The following ANXA8 variants were observed in gnomAD, a reference collection of about 807,000 sequenced individuals.
ANXA8 encodes the protein annexin A8, also known as VAC-beta.
Under a neutral mutation model 26.8 loss-of-function variants are expected in ANXA8, and 9 were observed. The observed-to-expected ratio is 0.34, with a 90% CI of 0.20 to 0.59. The LOEUF is 0.59. Among genes scored for constraint, ANXA8 ranks in the 20% least tolerant of loss-of-function variants. ANXA8 has a pLI of 0.84. For missense variants in ANXA8, 83 were observed against 238.5 expected, an observed-to-expected ratio of 0.35 and a Z score of 4.29; for synonymous variants, 39 against 94.8, an observed-to-expected ratio of 0.41 and a Z score of 3.42.
At chr10:47,958,001 G>A in the ANXA8 span, among the ~76,000 whole-genome samples, 7 of 150,564 alleles carry the variant, frequency 4.6e-5, no homozygotes, top group South Asian at 2.1e-4. Flanking sequence ...CTACAAAGCC[G>A]TTTTATCCAA....
At chr10:47,647,923 G>A in the ANXA8 span, among the ~76,000 whole-genome samples, 5 of 151,876 alleles carry the variant, frequency 3.3e-5, no homozygotes, top group Admixed American at 1.3e-4. Context: ...CCACCATCTC[G>A]TGGCCACATA....
chr10:47,982,937 A>G, the ANXA8 span, among the ~76,000 whole-genome samples: 2 of 114,598 alleles, frequency 1.7e-5, no homozygotes, highest in Non-Finnish European at 3.7e-5. Flanking sequence ...ATTTGAATAA[A>G]TATTTGTCCA....
chr10:47,502,684 C>T, the ANXA8 span: 10 of 1,608,386 alleles, frequency 6.2e-6, no homozygotes, highest in African/African-American at 8.1e-5. Flanking sequence ...CTGGGTCTCA[C>T]AGTCCACACA....
At chr10:47,707,179 A>C in the ANXA8 span, among the ~76,000 whole-genome samples, 2 of 141,232 alleles carry the variant, frequency 1.4e-5, no homozygotes, top group African/African-American at 5.1e-5. Flanking sequence ...AAAAAACAAA[A>C]AAAAACAAAA....
the ANXA8 span, among the ~76,000 whole-genome samples, chr10:47,698,247 C>CTGTCAAG: frequency 1.4e-5 from 2 of 141,772 alleles, no homozygotes; most frequent in Admixed American, 1.4e-4. Context: ...CATATAAGAA[C>CTGTCAAG]TGGAAACAAA....
the ANXA8 span, among the ~76,000 whole-genome samples, chr10:47,918,356 GGAGAGAGAGAGAGAGA>G: frequency 5.6e-5 from 1 of 17,754 alleles, no homozygotes; most frequent in Non-Finnish European, 1.0e-4. Context: ...GGGGAGGGAG[GGAGAGAGAGAGAGAGA>G]GAGAGAGAGA....
chr10:47,663,545 C>T, the ANXA8 span, among the ~76,000 whole-genome samples: 1 of 130,078 alleles, frequency 7.7e-6, no homozygotes, highest in African/African-American at 3.4e-5. Context: ...GCCACCATGC[C>T]CAGCTTGTTT....
At chr10:47,949,642 A>G in the ANXA8 span, among the ~76,000 whole-genome samples, 1 of 150,746 alleles carries the variant, frequency 6.6e-6, no homozygotes, top group Non-Finnish European at 1.5e-5. Flanking sequence ...AGGAAACAGA[A>G]GTATATGGTT....
chr10:47,703,155 T>C, the ANXA8 span, among the ~76,000 whole-genome samples: 1 of 151,712 alleles, frequency 6.6e-6, no homozygotes, highest in African/African-American at 2.4e-5. Context: ...GATTAAAATC[T>C]TTACAAATCC....
At chr10:47,979,308 AC>A in the ANXA8 span, among the ~76,000 whole-genome samples, 156 of 151,796 alleles carry the variant, frequency 1.0e-3, 4 homozygotes, top group African/African-American at 3.6e-3. Context: ...AAAACAGTAA[AC>A]CCACTAGAGC....
At chr10:47,727,085 C>G in the ANXA8 span, 1 of 758,654 alleles carries the variant, frequency 1.3e-6, no homozygotes, top group East Asian at 2.7e-5. Context: ...GATAATTTAG[C>G]TTAAGTGAAA....
the ANXA8 span, chr10:47,523,236 A>C: frequency 6.4e-7 from 1 of 1,574,478 alleles, no homozygotes; most frequent in Non-Finnish European, 8.5e-7. Context: ...GGATGCCTCA[A>C]AGGGAACCTT....
At chr10:47,565,860 G>A in the ANXA8 span, 6 of 1,305,772 alleles carry the variant, frequency 4.6e-6, no homozygotes, top group African/African-American at 3.1e-5. Context: ...CGGACCAGCT[G>A]GTCAGACGAG....
the ANXA8 span, among the ~76,000 whole-genome samples, chr10:47,680,430 T>G: frequency 6.6e-6 from 1 of 151,040 alleles, no homozygotes; most frequent in Non-Finnish European, 1.5e-5. Flanking sequence ...AGGTCAGGAG[T>G]TCAAGACTAG....
At chr10:47,477,252 G>A in intron 3 of ANXA8, 58 bp from the exon 4 acceptor site, 1 of 1,586,548 alleles carries the variant, frequency 6.3e-7, no homozygotes, top group Non-Finnish European at 8.6e-7. Context: ...CCTGAGTGCA[G>A]GCAGCGGAGT....
At chr10:47,740,878 A>T in the ANXA8 span, among the ~76,000 whole-genome samples, 1 of 149,222 alleles carries the variant, frequency 6.7e-6, no homozygotes, top group African/African-American at 2.5e-5. Flanking sequence ...TAGGACTGAG[A>T]TTGTCAGTTT....
chr10:47,599,409 G>A, the ANXA8 span, among the ~76,000 whole-genome samples: 3 of 147,646 alleles, frequency 2.0e-5, no homozygotes, highest in African/African-American at 7.9e-5. Flanking sequence ...CTGGGCCTTA[G>A]AAACAGACTA....
the ANXA8 span, among the ~76,000 whole-genome samples, chr10:47,525,279 G>A: frequency 1.6e-5 from 2 of 127,550 alleles, no homozygotes; most frequent in Non-Finnish European, 3.2e-5. Flanking sequence ...GGTTGTGCAT[G>A]CCTGTAATCC....
At chr10:47,743,001 A>T in the ANXA8 span, among the ~76,000 whole-genome samples, 2 of 143,372 alleles carry the variant, frequency 1.4e-5, no homozygotes, top group Non-Finnish European at 1.5e-5. Flanking sequence ...AAAAAAAAAA[A>T]AAAAAAAAAA....
Sources: gnomAD v4.1 joint callset for allele counts (sites outside exome capture counted in the v4.1 genomes callset) on GRCh38, gnomAD v4.1.1 for gene constraint, MANE v1.5 for transcripts, NCBI Gene and HGNC (gene_info 2026-07-23, HGNC 2026-07-21) for gene names.